GUCY1B1: variants seen among roughly 807,000 people sequenced by gnomAD.
The protein encoded by GUCY1B1 is guanylate cyclase 1 soluble subunit beta 1, also known as guanylate cyclase soluble subunit beta-1.
A neutral mutation model predicts 71.0 loss-of-function variants in GUCY1B1; 43 were observed. That is an observed-to-expected ratio of 0.61 (90% CI 0.47 to 0.78). The LOEUF is 0.78. Among genes scored for constraint, GUCY1B1 ranks in the 30% least tolerant of loss-of-function variants. The pLI, the probability that GUCY1B1 is intolerant of heterozygous loss-of-function variation, is 0.00. For missense variants in GUCY1B1, 535 were observed against 754.1 expected, an observed-to-expected ratio of 0.71 and a Z score of 3.40; for synonymous variants, 266 against 259.7, an observed-to-expected ratio of 1.02 and a Z score of -0.23.
At chr4:155,772,478 G>A in intron 2 of GUCY1B1, 1 of 440,396 alleles carries the variant, frequency 2.3e-6, no homozygotes. Flanking sequence ...GCAGTGGCAA[G>A]ATCACGCCTC....
At position 155,795,347 on chromosome 4, in the gene GUCY1B1, C is replaced by T; in HGVS notation, c.733C>T (p.Pro245Ser). 1 of 1,581,450 alleles carries T rather than the reference C, an allele frequency of 6.3e-7. No individual in the cohort carries two copies. The highest frequency in any genetic ancestry group is 8.7e-7 in the Non-Finnish European group (1 of 1,152,060). The change falls in exon 7 of 14, where the codon CCT (proline) becomes TCT (serine). Residue 245 changes from proline (P) to serine (S), a missense_variant. Coordinates refer to ENST00000264424, the MANE Select transcript of GUCY1B1 (RefSeq NM_000857.5). Reference protein sequence around the residue: ...AIYRVLPQLQPGNCSLLSVFS... With the variant: ...AIYRVLPQLQSGNCSLLSVFS... Reference sequence around the variant, plus strand: ...CTCTCTATCTATATTTTAGCTCCAGCCTGGGAATTGCAGCCTTCTGTCTGT... The same window carrying T: ...CTCTCTATCTATATTTTAGCTCCAGTCTGGGAATTGCAGCCTTCTGTCTGT...
At chr4:155,800,441 C>G (rs1029209383) in intron 9 of GUCY1B1, among the ~76,000 whole-genome samples, 1 of 152,140 alleles carries the variant, frequency 6.6e-6, no homozygotes, top group African/African-American at 2.4e-5. Context: ...ATGCTGGGGG[C>G]TGCCGCGTGC....
intron 3 of GUCY1B1, among the ~76,000 whole-genome samples, chr4:155,777,084 T>C (rs989727707): frequency 2.0e-5 from 3 of 152,186 alleles, no homozygotes; most frequent in Admixed American, 2.0e-4. Context: ...CTTATAGACA[T>C]AGGCTGAAGG....
Position 155,802,081 on chromosome 4 carries a change from C to A in GUCY1B1, c.1176-261C>A. 1 of 661,834 alleles carries A rather than the reference C, an allele frequency of 1.5e-6. No individual in the cohort carries two copies. The highest frequency in any genetic ancestry group is 2.5e-6 in the Non-Finnish European group (1 of 401,548). 41.0% of individuals were successfully genotyped at this position (661,834 alleles called of 1,614,324 possible). A position where few individuals can be genotyped will look rare whatever the true frequency, so the allele number is the denominator to read the frequency against. On this transcript the variant is annotated intron_variant, in intron 9 of 13. Coordinates refer to ENST00000264424, the MANE Select transcript of GUCY1B1 (RefSeq NM_000857.5). The surrounding 1 kb of genome is among the most constrained non-coding windows in gnomAD (Gnocchi z 4.3). ...CCAGTCTTTTTGTTTTGTCTGTTTG[C>A]TTGGCTTATTTTGATTTGGTTTGAA...
In GUCY1B1 at chr4:155,795,273, G is replaced by A. The variant is rs80259238; in HGVS notation, c.727-68G>A. ...TATAACTGAGCTGATTTAATCAAGC[G>A]ATTAATATCAAAGTATAAAAACTAT... On this transcript the variant is annotated intron_variant, in intron 6 of 13. Transcript: ENST00000264424. 52 of 720,746 alleles carry A rather than the reference G, an allele frequency of 7.2e-5. No homozygotes were observed. The East Asian group carries it at 1.0e-3, about 14-fold the overall frequency. The allele number at this position is 720,746 out of a possible 1,614,324, so 44.6% of individuals were successfully genotyped here. A position where few individuals can be genotyped will look rare whatever the true frequency, so the allele number is the denominator to read the frequency against.
chr4:155,792,411 G>A (rs1295950775), intron 5 of GUCY1B1, among the ~76,000 whole-genome samples: 1 of 152,092 alleles, frequency 6.6e-6, no homozygotes, highest in East Asian at 1.9e-4. Flanking sequence ...ATTTAAGGTT[G>A]ACTCTCTTGC....
At position 155,777,602 on chromosome 4, in the gene GUCY1B1, TC is replaced by T; in HGVS notation, c.258del (p.Leu87CysfsTer76). ...VFCQESGYDT[I>X]LRVLGSNVRE... ...TGCCAAGAATCTGGTTATGATACAA[TC>T]TTGCGTGTCCTGGGCTCTAATGTCA... is the stretch of plus-strand genomic sequence containing the variant. On this transcript the variant is annotated frameshift_variant, in exon 4 of 14. Coordinates refer to ENST00000264424, the MANE Select transcript of GUCY1B1 (RefSeq NM_000857.5). LOFTEE classifies it high-confidence loss of function. 6.2e-7 allele frequency: 1 copy of T among 1,606,032 alleles called. No individual in the cohort carries two copies.
intron 6 of GUCY1B1, among the ~76,000 whole-genome samples, 154 bp downstream of exon 6, chr4:155,794,240 G>T (rs1216452659): frequency 6.6e-6 from 1 of 152,146 alleles, no homozygotes; most frequent in Non-Finnish European, 1.5e-5. Context: ...TGTGAACTAA[G>T]TGTATTTGAG....
rs1740119480 is a variant in GUCY1B1 at position 155,803,775 on chromosome 4, G to T, written c.1554+11G>T. 1.3e-6 allele frequency: 2 copies of T among 1,533,598 alleles called. No individual in the cohort carries two copies. Among genetic ancestry groups the T allele is most frequent in the African/African-American group, 1.4e-5 (1 of 72,134 alleles). The allele number at this position is 1,533,598 out of a possible 1,614,324, so 95.0% of individuals were successfully genotyped here. A position where few individuals can be genotyped will look rare whatever the true frequency, so the allele number is the denominator to read the frequency against. ...GGTGAATCTGTTCAGGTTAGTAAAT[G>T]AAGTAGATATTGTAATAATGGTATG... is the stretch of plus-strand genomic sequence containing the variant. On this transcript the variant is annotated intron_variant, in intron 11 of 13. Coordinates refer to ENST00000264424, the MANE Select transcript of GUCY1B1 (RefSeq NM_000857.5).
At chr4:155,798,027 C>T (rs1227222664) in intron 8 of GUCY1B1, among the ~76,000 whole-genome samples, 1 of 152,116 alleles carries the variant, frequency 6.6e-6, no homozygotes, top group Admixed American at 6.5e-5. Context: ...AGAATGTCAG[C>T]TTCTCATTAG....
At chr4:155,772,883 G>GCTTAAA (rs1393758827) in intron 2 of GUCY1B1, 75 of 679,074 alleles carry the variant, frequency 1.1e-4, no homozygotes, top group Non-Finnish European at 1.6e-4. Context: ...AAGCTCTGAA[G>GCTTAAA]GACAGAGGAT....
rs182394869 is a variant in GUCY1B1 at position 155,806,795 on chromosome 4, A to G, written c.*386A>G. The stretch of plus-strand genomic sequence containing the variant: ...TGTATATTTATATCATGTTTACCAA[A>G]TCTGTTTAGTGTTCCACATATATGT... On this transcript the variant is annotated 3_prime_UTR_variant, in exon 14 of 14. Transcript: ENST00000264424. 498 of 184,700 alleles carry G rather than the reference A, an allele frequency of 2.7e-3. 1 individual carries two copies. Among genetic ancestry groups the G allele is most frequent in the Middle Eastern group, 4.5e-3 (2 of 442 alleles). The allele number at this position is 184,700 out of a possible 1,614,324, so 11.4% of individuals were successfully genotyped here. A position where few individuals can be genotyped will look rare whatever the true frequency, so the allele number is the denominator to read the frequency against.
intron 4 of GUCY1B1, among the ~76,000 whole-genome samples, chr4:155,777,957 C>A (rs1036893949): frequency 3.3e-5 from 5 of 151,972 alleles, no homozygotes; most frequent in African/African-American, 7.3e-5. Flanking sequence ...GCTCTATATC[C>A]TAGTGATTGT....
At chr4:155,763,077 A>G (rs910423325) in intron 2 of GUCY1B1, among the ~76,000 whole-genome samples, 3 of 152,240 alleles carry the variant, frequency 2.0e-5, no homozygotes, top group African/African-American at 7.2e-5. Flanking sequence ...GATACATCCT[A>G]GAAAAGCACC....
At position 155,802,416 on chromosome 4, in the gene GUCY1B1, A is replaced by G; in HGVS notation, c.1250A>G (p.Tyr417Cys). The G allele has an allele frequency of 6.2e-7, 1 of 1,613,776 alleles. No homozygotes were observed. The stretch of plus-strand genomic sequence containing the variant: ...AAGCGTCCAGTGCCTGCCAAAAGAT[A>G]TGACAATGTGACCATCCTCTTTAGT... ...RHKRPVPAKR[Y>C]DNVTILFSGI... The change falls in exon 10 of 14, where the codon TAT (tyrosine) becomes TGT (cysteine). Residue 417 changes from tyrosine (Y) to cysteine (C), a missense_variant. Physicochemically the swap from Tyr to Cys is radical, Grantham distance 194. Coordinates refer to ENST00000264424, the MANE Select transcript of GUCY1B1 (RefSeq NM_000857.5). This position sits in a 1 kb window ranked among gnomAD's most constrained non-coding sequence, Gnocchi z 4.3.
At chr4:155,801,743 A>G (rs1225674891) in intron 9 of GUCY1B1, among the ~76,000 whole-genome samples, 1 of 152,194 alleles carries the variant, frequency 6.6e-6, no homozygotes, top group Non-Finnish European at 1.5e-5. Context: ...GTCCCTTAGC[A>G]TGATCCCATA....
intron 9 of GUCY1B1, among the ~76,000 whole-genome samples, chr4:155,800,810 G>A (rs1234241078): frequency 6.6e-6 from 1 of 152,096 alleles, no homozygotes; most frequent in Middle Eastern, 3.2e-3. Context: ...AGGTTCTTAT[G>A]TGTTCGTTTT....
At chr4:155,789,052 T>G (rs1277625540) in intron 4 of GUCY1B1, among the ~76,000 whole-genome samples, 1 of 152,212 alleles carries the variant, frequency 6.6e-6, no homozygotes, top group Non-Finnish European at 1.5e-5. Context: ...ACAGAAAATA[T>G]TTATTGGCCA....
At chr4:155,772,842 A>G (rs116311691) in intron 2 of GUCY1B1, 9,390 of 698,648 alleles carry the variant, frequency 0.013, 126 homozygotes, top group Middle Eastern at 0.034. Flanking sequence ...TTAAAAAAAA[A>G]GTTATGAATA....
Sources: allele counts gnomAD v4.1 joint callset (sites outside exome capture counted in the v4.1 genomes callset), GRCh38; gene constraint gnomAD v4.1.1; non-coding constraint Gnocchi (gnomAD v3.1); transcripts MANE v1.5; gene names NCBI Gene and HGNC (gene_info 2026-07-23, HGNC 2026-07-21).